The following C6orf89 variants were observed in gnomAD, a reference collection of about 807,000 sequenced individuals.
The protein encoded by C6orf89 is chromosome 6 open reading frame 89.
A neutral mutation model predicts 40.7 loss-of-function variants in C6orf89; 29 were observed. That is an observed-to-expected ratio of 0.71 (90% CI 0.53 to 0.97). The LOEUF (loss-of-function observed/expected upper bound fraction) is 0.97. C6orf89 is among the 50% of genes least tolerant of loss of function. The pLI is 0.00. For missense variants in C6orf89, 392 were observed against 429.1 expected, an observed-to-expected ratio of 0.91 and a Z score of 0.76; for synonymous variants, 165 against 152.2, an observed-to-expected ratio of 1.08 and a Z score of -0.62.
intron 6 of C6orf89, 62 bp downstream of exon 6, chr6:36,914,755 C>T (rs988111886): frequency 8.9e-6 from 14 of 1,577,984 alleles, no homozygotes; most frequent in African/African-American, 1.3e-5. Context: ...TTTGGGAGGC[C>T]GAGGCAGGCA....
upstream of C6orf89, among the ~76,000 whole-genome samples, chr6:36,881,083 T>A (rs1774794101): frequency 1.3e-5 from 2 of 152,212 alleles, no homozygotes; most frequent in Non-Finnish European, 2.9e-5. Flanking sequence ...GTCGGACCTT[T>A]ATCTGCATTT....
At chr6:36,876,257 T>A (rs1332328329) in intron 1 of C6orf89, among the ~76,000 whole-genome samples, 1 of 152,142 alleles carries the variant, frequency 6.6e-6, no homozygotes, top group Non-Finnish European at 1.5e-5. Context: ...ACCCCCAAGA[T>A]CATGATCACT....
At chr6:36,875,991 C>T (rs1774642252) in intron 1 of C6orf89, among the ~76,000 whole-genome samples, 1 of 152,238 alleles carries the variant, frequency 6.6e-6, no homozygotes, top group East Asian at 1.9e-4. Flanking sequence ...GCACAGGGTG[C>T]TCAGCTTTGC....
chr6:36,914,756 G>A (rs913808680), intron 6 of C6orf89, 63 bp downstream of exon 6: 5 of 1,572,780 alleles, frequency 3.2e-6, no homozygotes, highest in Non-Finnish European at 4.3e-6. Context: ...TTGGGAGGCC[G>A]AGGCAGGCAG....
chr6:36,914,412 A>G lies in C6orf89; in HGVS notation c.532A>G (p.Arg178Gly). ...GGAAGACGCCCCAAGGAAATTTGAG[A>G]GGCTCCATCCACTGGTGATCAAGGT... is the stretch of plus-strand genomic sequence containing the variant. ...LLEDAPRKFE[R>G]LHPLVIKTGK... is the part of the protein sequence containing the mutation. The change falls in exon 5 of 9, where the codon AGG (arginine) becomes GGG (glycine). Residue 178 changes from arginine to glycine, a missense_variant. Arg to Gly is a moderately radical substitution (Grantham distance 125). Coordinates refer to ENST00000480824, the MANE Select transcript of C6orf89 (RefSeq NM_001286635.2). 6.2e-7 allele frequency: 1 copy of G among 1,614,182 alleles called. No homozygotes were observed. The highest frequency in any genetic ancestry group is 8.5e-7 in the Non-Finnish European group (1 of 1,180,022).
At chr6:36,921,244 G>A (rs1762500459) in intron 8 of C6orf89, among the ~76,000 whole-genome samples, 2 of 152,152 alleles carry the variant, frequency 1.3e-5, no homozygotes, top group South Asian at 4.1e-4. Flanking sequence ...GGGTGGGGAA[G>A]CCAGCGAGCA....
At position 36,914,393 on chromosome 6, in the gene C6orf89, C is replaced by T. The variant is rs371671264; in HGVS notation, c.513C>T (p.Asp171=). The change falls in exon 5 of 9, where the codon GAC becomes GAT. Residue 171 remains aspartate, a synonymous_variant. Transcript: ENST00000480824. ...QKHLKVMLLE[D]APRKFERLHP... ...ACCTGAAGGTGATGCTCCTGGAAGA[C>T]GCCCCAAGGAAATTTGAGAGGCTCC... The T allele has an allele frequency of 1.1e-4, 171 of 1,614,194 alleles. No individual in the cohort carries two copies. The highest frequency in any genetic ancestry group is 1.6e-4 in the Middle Eastern group (1 of 6,062).
intron 8 of C6orf89, 21 bp from the exon 9 acceptor site, chr6:36,923,326 C>T (rs1762576655): frequency 6.3e-7 from 1 of 1,595,806 alleles, no homozygotes; most frequent in Non-Finnish European, 8.6e-7. Context: ...ACATGCCTTC[C>T]TCTTGCTATT....
At chr6:36,906,283 C>T (rs1164130410) in intron 4 of C6orf89, among the ~76,000 whole-genome samples, 1 of 152,218 alleles carries the variant, frequency 6.6e-6, no homozygotes, top group Non-Finnish European at 1.5e-5. Context: ...GGAAAACCTT[C>T]CTCTTTTATT....
Position 36,916,333 on chromosome 6 carries a change from T to C in C6orf89, c.696-112T>C. On this transcript the variant is annotated intron_variant, in intron 6 of 8. Transcript: ENST00000480824. ...AGTACTTAAGATACTGTACTCATAT[T>C]TTTCCCTCTTTACCCACCGCCCACA... The C allele has an allele frequency of 3.2e-6, 4 of 1,241,326 alleles. No homozygotes were observed. In the South Asian group the frequency reaches 4.1e-5, roughly 13 times the overall value. 76.9% of individuals were successfully genotyped at this position (1,241,326 alleles called of 1,614,324 possible). A position where few individuals can be genotyped will look rare whatever the true frequency, so the allele number is the denominator to read the frequency against.
intron 1 of C6orf89, among the ~76,000 whole-genome samples, chr6:36,874,383 T>A (rs578136640): frequency 6.6e-6 from 1 of 152,364 alleles, no homozygotes; most frequent in East Asian, 1.9e-4. Context: ...TGTCTGTGTT[T>A]TATCTACCTC....
intron 4 of C6orf89, among the ~76,000 whole-genome samples, chr6:36,906,074 G>A (rs1233019346): frequency 6.6e-6 from 1 of 152,158 alleles, no homozygotes; most frequent in African/African-American, 2.4e-5. Flanking sequence ...GAGGAAGCCT[G>A]GGATAGTTCT....
chr6:36,912,924 T>C (rs1728964718), intron 4 of C6orf89, among the ~76,000 whole-genome samples: 2 of 152,226 alleles, frequency 1.3e-5, no homozygotes, highest in African/African-American at 4.8e-5. Context: ...AGTATGTTTA[T>C]TGGTTTAAAA....
chr6:36,875,339 T>C lies in C6orf89; in HGVS notation c.-628+3372T>C, dbSNP rs565948701. 4.8e-3 allele frequency among the ~76,000 whole-genome samples: 730 copies of C among 152,364 alleles called. 6 individuals are homozygous for C. Among genetic ancestry groups the C allele is most frequent in the African/African-American group, 0.016 (651 of 41,584 alleles). ...ATCTGAAAATAGACTCGGCAGTTAA[T>C]ACTTGTTTTTCCATAGTCATAAAGC... On this transcript the variant is annotated intron_variant, in intron 1 of 9. Transcript: ENST00000359359.
rs151251470 is a variant in C6orf89, at chr6:36,918,043, C to T, written c.825+1469C>T. ...ACCCTGGCCCAAGCTCCCCTTTCCC[C>T]GCAGCCTTGTTACCCCACCCTGTTG... On this transcript the variant is annotated intron_variant, in intron 7 of 8. Transcript: ENST00000480824. 1.4e-3 allele frequency among the ~76,000 whole-genome samples: 210 copies of T among 152,360 alleles called. 3 individuals are homozygous for T. Among genetic ancestry groups the T allele is most frequent in the Admixed American group, 9.9e-3 (151 of 15,310 alleles).
intron 1 of C6orf89, among the ~76,000 whole-genome samples, chr6:36,887,633 T>C (rs376304308): frequency 2.0e-5 from 3 of 152,094 alleles, no homozygotes; most frequent in African/African-American, 4.8e-5. Context: ...AGTATGACAG[T>C]GTAGAATGTG....
At chr6:36,921,883 C>T (rs1420802176) in intron 8 of C6orf89, among the ~76,000 whole-genome samples, 3 of 151,982 alleles carry the variant, frequency 2.0e-5, no homozygotes, top group Non-Finnish European at 4.4e-5. Context: ...ACAAAATTAG[C>T]CAGGCGTGGT....
intron 4 of C6orf89, among the ~76,000 whole-genome samples, chr6:36,908,398 G>A (rs1762002599): frequency 6.6e-6 from 1 of 152,070 alleles, no homozygotes. Context: ...TTTTGACTTG[G>A]AAAGTACATA....
chr6:36,914,138 C>G (rs184375551), intron 4 of C6orf89, 146 bp from the exon 5 acceptor site: 4 of 757,662 alleles, frequency 5.3e-6, no homozygotes, highest in Non-Finnish European at 8.0e-6. Context: ...CCAGCCTGGG[C>G]GACAGAGTGA....
Sources: allele counts gnomAD v4.1 joint callset (sites outside exome capture counted in the v4.1 genomes callset), GRCh38; gene constraint gnomAD v4.1.1; transcripts MANE v1.5; gene names NCBI Gene and HGNC (gene_info 2026-07-23, HGNC 2026-07-21).